The following GPC5 variants were observed in gnomAD, a reference collection of about 807,000 sequenced individuals.
GPC5 encodes glypican 5, also known as glypican-5.
In GPC5, 47 loss-of-function variants were observed where a neutral mutation model predicts 53.9. The ratio of observed to expected loss-of-function variants is 0.87; its 90% CI spans 0.69 to 1.11. GPC5 has a LOEUF of 1.11. Among genes scored for constraint, GPC5 ranks in the 50% most tolerant of loss-of-function variants. The pLI is 0.00. For synonymous variants in GPC5, 286 were observed against 263.3 expected (o/e 1.09, Z -0.84); for missense variants, 748 against 713.1 (o/e 1.05, Z -0.56).
At position 91,429,986 on chromosome 13, in the gene GPC5, T is replaced by A. The variant is rs1309976836; in HGVS notation, c.164-18775T>A. ...TACACTCTGGCAGCAGTATAAAAGA[T>A]AAAAGAGTGCAAGAGTCAAGAAACT... On this transcript the variant is annotated intron_variant, in intron 1 of 7. Transcript: ENST00000377067. Among the ~76,000 whole-genome samples, 3 of 152,130 alleles carry A rather than the reference T, an allele frequency of 2.0e-5. No individual in the cohort carries two copies. In the East Asian group the frequency reaches 5.8e-4, roughly 29 times the overall value.
chr13:91,509,858 CTT>C (rs983020121), intron 2 of GPC5, among the ~76,000 whole-genome samples: 1 of 152,030 alleles, frequency 6.6e-6, no homozygotes, highest in African/African-American at 2.4e-5. Context: ...CAAGATTACT[CTT>C]TAGATATAAA....
At chr13:92,289,852 A>C (rs545649125) in intron 7 of GPC5, among the ~76,000 whole-genome samples, 44 of 152,148 alleles carry the variant, frequency 2.9e-4, no homozygotes, top group African/African-American at 1.0e-3. Context: ...ATTTTTCAAA[A>C]GCTCATAATC....
intron 6 of GPC5, among the ~76,000 whole-genome samples, chr13:92,063,685 T>C (rs992890988): frequency 2.0e-5 from 3 of 152,266 alleles, no homozygotes; most frequent in African/African-American, 7.2e-5. Flanking sequence ...GGTTCTCTTT[T>C]GAGCTATAAT....
chr13:91,808,130 G>A (rs1383305488), intron 5 of GPC5, among the ~76,000 whole-genome samples: 8 of 152,006 alleles, frequency 5.3e-5, no homozygotes, highest in East Asian at 1.9e-4. Flanking sequence ...TAGATGATTC[G>A]TATACTACAT....
rs137991748 is a variant in GPC5, at chr13:91,441,571, G to A, written c.164-7190G>A. ...TTTTCAGCAGTAGAGAGGAAGCTTT[G>A]CTTTCCTGGGACCTTTGCTTTCCTG... On this transcript the variant is annotated intron_variant, in intron 1 of 7. Transcript: ENST00000377067. 6.3e-4 allele frequency among the ~76,000 whole-genome samples: 96 copies of A among 152,280 alleles called. 1 individual carries two copies. The highest frequency in any genetic ancestry group is 2.1e-3 in the African/African-American group (89 of 41,552).
intron 7 of GPC5, among the ~76,000 whole-genome samples, chr13:92,737,765 T>C (rs1451660059): frequency 3.3e-5 from 2 of 60,526 alleles, no homozygotes; most frequent in Non-Finnish European, 3.3e-5. Flanking sequence ...TTTTTCTTTT[T>C]CTTTTTTTTT....
intron 6 of GPC5, among the ~76,000 whole-genome samples, chr13:91,961,776 G>A (rs1408274862): frequency 1.3e-5 from 2 of 152,006 alleles, no homozygotes; most frequent in Non-Finnish European, 2.9e-5. Flanking sequence ...AGCCAAATAA[G>A]TAAAACACAG....
chr13:92,769,762 G>C (rs966304365), intron 7 of GPC5, among the ~76,000 whole-genome samples: 3 of 152,300 alleles, frequency 2.0e-5, no homozygotes, highest in Middle Eastern at 3.4e-3. Context: ...AAAGGTGATA[G>C]ATATGTCTAA....
intron 7 of GPC5, among the ~76,000 whole-genome samples, chr13:92,147,499 TTTTG>T (rs1411684736): frequency 6.6e-5 from 10 of 152,048 alleles, no homozygotes; most frequent in Admixed American, 6.6e-4. Flanking sequence ...CGTCACTCTT[TTTTG>T]TTTGTTTCAC....
chr13:92,247,848 T>G (rs954055470), intron 7 of GPC5, among the ~76,000 whole-genome samples: 1 of 152,128 alleles, frequency 6.6e-6, no homozygotes, highest in Non-Finnish European at 1.5e-5. Context: ...AATAACAATA[T>G]GGAAGCAGCA....
intron 2 of GPC5, among the ~76,000 whole-genome samples, chr13:91,516,674 G>A (rs1306050026): frequency 6.6e-6 from 1 of 152,200 alleles, no homozygotes; most frequent in Non-Finnish European, 1.5e-5. Flanking sequence ...TGCCCCAACA[G>A]GGACTCTGTG....
chr13:91,953,557 G>T (rs1271407118), intron 6 of GPC5, among the ~76,000 whole-genome samples: 1 of 152,184 alleles, frequency 6.6e-6, no homozygotes, highest in Non-Finnish European at 1.5e-5. Flanking sequence ...AGGGTACATT[G>T]CTAATAATAG....
chr13:91,593,504 G>GT (rs1292362052), intron 2 of GPC5, among the ~76,000 whole-genome samples: 1 of 152,062 alleles, frequency 6.6e-6, no homozygotes, highest in African/African-American at 2.4e-5. Flanking sequence ...TAGTAGAATT[G>GT]TTTTTTCCCA....
chr13:91,860,689 G>A (rs9560871), intron 5 of GPC5, among the ~76,000 whole-genome samples: 28,717 of 151,592 alleles, frequency 0.19, 3,017 homozygotes, highest in East Asian at 0.31. Flanking sequence ...TTTAGTAGAG[G>A]CGGGGTTTCA....
chr13:91,790,108 G>A lies in GPC5; in HGVS notation c.1280+33688G>A, dbSNP rs183731543. Reference sequence around the variant, plus strand: ...AGGGCCAAGTCTCAATGTGAGTTGTGGTGAGGACAAACCAACATTCATCTT... The same window carrying A: ...AGGGCCAAGTCTCAATGTGAGTTGTAGTGAGGACAAACCAACATTCATCTT... On this transcript the variant is annotated intron_variant, in intron 5 of 7. Transcript: ENST00000377067. 3.1e-4 allele frequency among the ~76,000 whole-genome samples: 47 copies of A among 152,168 alleles called. No individual in the cohort carries two copies. The East Asian group carries it at 8.1e-3, about 26-fold the overall frequency.
chr13:91,844,440 G>A (rs2038825239), intron 5 of GPC5, among the ~76,000 whole-genome samples: 1 of 152,192 alleles, frequency 6.6e-6, no homozygotes, highest in Admixed American at 6.5e-5. Context: ...ATGAGGTTCA[G>A]CCTGATTCCA....
intron 4 of GPC5, among the ~76,000 whole-genome samples, chr13:91,751,914 G>A (rs1412346289): frequency 1.3e-5 from 2 of 152,158 alleles, no homozygotes; most frequent in Admixed American, 6.5e-5. Context: ...TCCTATATGG[G>A]TTTGCTAGGG....
chr13:92,595,867 T>C (rs925271451), intron 7 of GPC5, among the ~76,000 whole-genome samples: 1 of 152,138 alleles, frequency 6.6e-6, no homozygotes, highest in Non-Finnish European at 1.5e-5. Flanking sequence ...ACCTCATTCT[T>C]GCTTACTGTA....
At chr13:92,104,394 T>G (rs1445045081) in intron 6 of GPC5, among the ~76,000 whole-genome samples, 1 of 152,208 alleles carries the variant, frequency 6.6e-6, no homozygotes, top group Admixed American at 6.5e-5. Context: ...TTTGACAATT[T>G]TTCCCAGTAT....
Sources: allele counts gnomAD v4.1 joint callset (sites outside exome capture counted in the v4.1 genomes callset), GRCh38; gene constraint gnomAD v4.1.1; transcripts MANE v1.5; gene names NCBI Gene and HGNC (gene_info 2026-07-23, HGNC 2026-07-21).